The following ANXA8 variants were observed in gnomAD, a reference collection of about 807,000 sequenced individuals.
ANXA8 encodes annexin A8.
Under a neutral mutation model 26.8 loss-of-function variants are expected in ANXA8, and 9 were observed. The observed-to-expected ratio is 0.34, with a 90% CI of 0.20 to 0.59. The LOEUF (loss-of-function observed/expected upper bound fraction) is 0.59, where lower values mean the gene tolerates loss of function less well. ANXA8 is among the 20% of genes least tolerant of loss of function. ANXA8 has a pLI of 0.84. For missense variants in ANXA8, 83 were observed against 238.5 expected (o/e 0.35, Z 4.29); for synonymous variants, 39 against 94.8 (o/e 0.41, Z 3.42).
the ANXA8 span, among the ~76,000 whole-genome samples, chr10:47,644,506 A>G: frequency 1.3e-5 from 2 of 152,040 alleles, no homozygotes; most frequent in African/African-American, 4.8e-5. Flanking sequence ...TATTGGCTGG[A>G]TATGGCCTGC....
the ANXA8 span, among the ~76,000 whole-genome samples, chr10:47,704,328 C>G: frequency 2.1e-5 from 3 of 142,794 alleles, no homozygotes; most frequent in African/African-American, 7.5e-5. Context: ...ATACGATCAT[C>G]TCAATAGGTA....
chr10:47,737,919 AC>A, the ANXA8 span, among the ~76,000 whole-genome samples: 1 of 127,298 alleles, frequency 7.9e-6, no homozygotes, highest in African/African-American at 3.0e-5. Context: ...ATGGAATCAT[AC>A]AATATGTGGT....
At chr10:47,743,879 C>T in the ANXA8 span, among the ~76,000 whole-genome samples, 1 of 142,060 alleles carries the variant, frequency 7.0e-6, no homozygotes, top group Non-Finnish European at 1.5e-5. Context: ...GTGCCCAGAC[C>T]CCGGGAAGTT....
chr10:47,554,968 TC>T, the ANXA8 span, among the ~76,000 whole-genome samples: 1 of 151,032 alleles, frequency 6.6e-6, no homozygotes, highest in African/African-American at 2.4e-5. Context: ...TACCTCAGCT[TC>T]CCCCTCCCTC....
chr10:47,501,050 C>T, the ANXA8 span, among the ~76,000 whole-genome samples: 1 of 144,774 alleles, frequency 6.9e-6, no homozygotes, highest in African/African-American at 2.6e-5. Context: ...CCCGCCACCA[C>T]ACCTGGCTAA....
At chr10:47,967,818 G>T in the ANXA8 span, among the ~76,000 whole-genome samples, 5 of 125,084 alleles carry the variant, frequency 4.0e-5, no homozygotes, top group Admixed American at 4.3e-4. Context: ...AATAGAACTT[G>T]GCATCACCCT....
At chr10:47,498,190 C>T in the ANXA8 span, among the ~76,000 whole-genome samples, 4 of 149,706 alleles carry the variant, frequency 2.7e-5, no homozygotes, top group African/African-American at 7.4e-5. Context: ...CCCGTTCTAC[C>T]TTCTGTTTCT....
chr10:47,634,748 G>GT, the ANXA8 span, among the ~76,000 whole-genome samples: 4 of 140,910 alleles, frequency 2.8e-5, no homozygotes, highest in African/African-American at 1.1e-4. Flanking sequence ...TTTCATGAGC[G>GT]TATCTGTCAG....
At chr10:47,960,535 T>C in the ANXA8 span, among the ~76,000 whole-genome samples, 1 of 150,000 alleles carries the variant, frequency 6.7e-6, no homozygotes, top group Non-Finnish European at 1.5e-5. Context: ...GCTTTATGCA[T>C]ATGCTAAGAA....
the ANXA8 span, among the ~76,000 whole-genome samples, chr10:47,981,561 G>A: frequency 9.0e-5 from 9 of 100,034 alleles, no homozygotes; most frequent in African/African-American, 1.8e-4. Flanking sequence ...TAACTATTAC[G>A]ACTAATAAAT....
At chr10:47,956,915 A>T in the ANXA8 span, among the ~76,000 whole-genome samples, 1 of 150,288 alleles carries the variant, frequency 6.7e-6, no homozygotes, top group Non-Finnish European at 1.5e-5. Context: ...TCACCTGTGC[A>T]TCCCAGATAC....
chr10:47,928,743 T>G, the ANXA8 span, among the ~76,000 whole-genome samples: 1 of 37,408 alleles, frequency 2.7e-5, no homozygotes, highest in African/African-American at 6.4e-5. Flanking sequence ...CCTCTTTCTC[T>G]CTCTCTCTTT....
chr10:47,610,383 C>T, the ANXA8 span, among the ~76,000 whole-genome samples: 57 of 143,760 alleles, frequency 4.0e-4, no homozygotes, highest in African/African-American at 1.4e-3. Context: ...TGTACATTAG[C>T]GAGCTGGACT....
At chr10:47,525,402 T>C in the ANXA8 span, among the ~76,000 whole-genome samples, 2 of 143,560 alleles carry the variant, frequency 1.4e-5, 1 homozygote, top group African/African-American at 5.2e-5. Flanking sequence ...CAGGACTCCA[T>C]CCCAAGAAAC....
the ANXA8 span, among the ~76,000 whole-genome samples, chr10:47,527,909 T>C: frequency 2.7e-5 from 4 of 149,126 alleles, no homozygotes; most frequent in Admixed American, 2.7e-4. Flanking sequence ...AAGGAAGAAC[T>C]AATGCAGAAG....
chr10:47,905,050 A>C, the ANXA8 span, among the ~76,000 whole-genome samples: 2 of 142,572 alleles, frequency 1.4e-5, no homozygotes, highest in Middle Eastern at 7.0e-3. Context: ...TGATACCCCC[A>C]AAACTGAAAA....
chr10:47,530,535 T>A, the ANXA8 span, among the ~76,000 whole-genome samples: 1 of 130,420 alleles, frequency 7.7e-6, no homozygotes, highest in African/African-American at 2.9e-5. Flanking sequence ...TAAAAAAAAA[T>A]CACAAAAATT....
chr10:47,631,575 G>A, the ANXA8 span, among the ~76,000 whole-genome samples: 1 of 150,788 alleles, frequency 6.6e-6, no homozygotes, highest in Non-Finnish European at 1.5e-5. Flanking sequence ...ACTGGGCCAA[G>A]GACCCAGGTA....
chr10:47,469,970 C>A (rs1303546680), intron 11 of ANXA8, among the ~76,000 whole-genome samples: 5 of 151,560 alleles, frequency 3.3e-5, no homozygotes, highest in African/African-American at 1.2e-4. Flanking sequence ...CCTTGGACTC[C>A]TGGGCTCAAG....
Sources: allele counts gnomAD v4.1 joint callset (sites outside exome capture counted in the v4.1 genomes callset), GRCh38; gene constraint gnomAD v4.1.1; transcripts MANE v1.5; gene names NCBI Gene and HGNC (gene_info 2026-07-23, HGNC 2026-07-21).